Variants in PCDH15 observed in about 807,000 individuals in gnomAD.
The protein encoded by PCDH15 is protocadherin-15.
A neutral mutation model predicts 178.5 loss-of-function variants in PCDH15; 129 were observed. The ratio of observed to expected loss-of-function variants is 0.72; its 90% CI spans 0.63 to 0.84. The LOEUF (loss-of-function observed/expected upper bound fraction) is 0.84, where lower values mean the gene tolerates loss of function less well. Ranked by LOEUF, PCDH15 falls within the 40% of genes least tolerant of loss-of-function variation. The pLI, the probability that PCDH15 is intolerant of heterozygous loss-of-function variation, is 0.00. For synonymous variants in PCDH15, 800 were observed against 732.0 expected (o/e 1.09, Z -1.50); for missense variants, 2,230 against 2,099.9 (o/e 1.06, Z -1.21).
intron 2 of PCDH15, among the ~76,000 whole-genome samples, chr10:55,399,306 T>A (rs1004237725): frequency 6.6e-6 from 1 of 152,192 alleles, no homozygotes; most frequent in Non-Finnish European, 1.5e-5. Flanking sequence ...AAAATATTTA[T>A]TTTAATTTTA....
chr10:54,349,521 G>A (rs1316269640), intron 5 of PCDH15, among the ~76,000 whole-genome samples: 1 of 152,078 alleles, frequency 6.6e-6, no homozygotes, highest in Non-Finnish European at 1.5e-5. Flanking sequence ...TTTTTGAAAT[G>A]ATGAAAAGGC....
chr10:54,704,121 C>A (rs1370403350), intron 1 of PCDH15, among the ~76,000 whole-genome samples: 1 of 152,096 alleles, frequency 6.6e-6, no homozygotes, highest in Non-Finnish European at 1.5e-5. Flanking sequence ...GAATTAAATA[C>A]TTCAATATAA....
chr10:55,375,037 C>A (rs981031909), intron 2 of PCDH15, among the ~76,000 whole-genome samples: 11 of 152,106 alleles, frequency 7.2e-5, no homozygotes, highest in Non-Finnish European at 1.5e-4. Flanking sequence ...GAGTTTGTTA[C>A]ACAGCTGCTT....
chr10:54,763,698 A>G (rs1156909299), intron 1 of PCDH15, among the ~76,000 whole-genome samples: 1 of 150,468 alleles, frequency 6.6e-6, no homozygotes, highest in Admixed American at 6.6e-5. Flanking sequence ...TGTGGTATGC[A>G]TGTATCAAAA....
chr10:54,587,377 G>A (rs913656286), intron 2 of PCDH15, among the ~76,000 whole-genome samples: 2 of 152,154 alleles, frequency 1.3e-5, no homozygotes, highest in Admixed American at 6.6e-5. Flanking sequence ...ATCCCTGTGG[G>A]AATATTGACA....
chr10:54,926,089 A>G (rs1211426467), intron 2 of PCDH15, among the ~76,000 whole-genome samples: 1 of 152,120 alleles, frequency 6.6e-6, no homozygotes, highest in Non-Finnish European at 1.5e-5. Flanking sequence ...TGGGTTTCTC[A>G]TAGATGGCTC....
chr10:54,303,533 GT>G (rs2060276059), intron 8 of PCDH15, among the ~76,000 whole-genome samples: 1 of 152,006 alleles, frequency 6.6e-6, no homozygotes, highest in Admixed American at 6.6e-5. Context: ...AAAATCTAGA[GT>G]AATGCAACTG....
chr10:55,405,328 GA>G (rs776760048), intron 2 of PCDH15, among the ~76,000 whole-genome samples: 111 of 99,058 alleles, frequency 1.1e-3, no homozygotes, highest in Non-Finnish European at 1.9e-3. Context: ...TGTAATTAAA[GA>G]TAATGTGTAG....
chr10:55,429,752 A>G (rs1838839649), intron 2 of PCDH15, among the ~76,000 whole-genome samples: 1 of 152,164 alleles, frequency 6.6e-6, no homozygotes, highest in Non-Finnish European at 1.5e-5. Flanking sequence ...ACAGTTTAAT[A>G]TGAAACATTA....
rs568178254 is a variant in PCDH15 at position 54,065,091 on chromosome 10, T to C, written c.2220+1666A>G. On this transcript the variant is annotated intron_variant, in intron 18 of 37. Coordinates refer to ENST00000644397, the MANE Select transcript of PCDH15 (RefSeq NM_001384140.1). Reference sequence around the variant, plus strand: ...CCTGACTCAGTGCCCTTCTATCAGATTATGCTGAGGGAATTTGACTACTTG... The same window carrying C: ...CCTGACTCAGTGCCCTTCTATCAGACTATGCTGAGGGAATTTGACTACTTG... 2.6e-5 allele frequency among the ~76,000 whole-genome samples: 4 copies of C among 152,298 alleles called. No homozygotes were observed. The East Asian group carries it at 7.7e-4, about 29-fold the overall frequency.
At position 54,426,377 on chromosome 10, in the gene PCDH15, C is replaced by A. The variant is rs149085365; in HGVS notation, c.158-47435G>T. On this transcript the variant is annotated intron_variant, in intron 3 of 37. Coordinates refer to ENST00000644397, the MANE Select transcript of PCDH15 (RefSeq NM_001384140.1). ...TTACACTCTCATAAGGAGCGTGCAA[C>A]CTAGATCACTTGCATGCACAGTTCA... 3.3e-5 allele frequency among the ~76,000 whole-genome samples: 5 copies of A among 152,246 alleles called. No individual in the cohort carries two copies. In the East Asian group the frequency reaches 9.7e-4, roughly 30 times the overall value.
At chr10:55,110,329 C>G (rs191465049) in intron 2 of PCDH15, among the ~76,000 whole-genome samples, 4 of 151,996 alleles carry the variant, frequency 2.6e-5, no homozygotes, top group African/African-American at 9.6e-5. Context: ...TCTGGTACAT[C>G]AGGAGTATTT....
intron 25 of PCDH15, among the ~76,000 whole-genome samples, chr10:53,922,773 TTTC>T (rs2084107956): frequency 6.6e-6 from 1 of 152,174 alleles, no homozygotes; most frequent in Admixed American, 6.5e-5. Context: ...AGTATCCAAC[TTTC>T]TTGTGTATTT....
rs188741327 is a variant in PCDH15 at position 53,898,755 on chromosome 10, C to T, written c.3501+4488G>A. On this transcript the variant is annotated intron_variant, in intron 26 of 37. Transcript: ENST00000644397. ...CTCACATATCCACGTGCAAACCAAT[C>T]ATTTGCAAAGGTAACAGGACAGGCA... is the stretch of plus-strand genomic sequence containing the variant. 1.7e-3 allele frequency among the ~76,000 whole-genome samples: 262 copies of T among 152,264 alleles called. 2 individuals are homozygous for T. The highest frequency in any genetic ancestry group is 3.3e-3 in the Admixed American group (50 of 15,288).
At chr10:55,425,134 CAA>C (rs1838720721) in intron 2 of PCDH15, among the ~76,000 whole-genome samples, 1 of 151,482 alleles carries the variant, frequency 6.6e-6, no homozygotes, top group Non-Finnish European at 1.5e-5. Context: ...TGTTTTAAGA[CAA>C]AGAGTAATCA....
intron 31 of PCDH15, among the ~76,000 whole-genome samples, chr10:53,827,888 A>G (rs905631265): frequency 1.3e-5 from 2 of 152,176 alleles, no homozygotes; most frequent in Non-Finnish European, 2.9e-5. Flanking sequence ...TCTCTTTCAT[A>G]AGATGAGGCA....
chr10:55,556,113 T>TA (rs1842086891), intron 2 of PCDH15, among the ~76,000 whole-genome samples: 1 of 152,190 alleles, frequency 6.6e-6, no homozygotes, highest in South Asian at 2.1e-4. Context: ...TCTAGATTAT[T>TA]AATTTTTATT....
At chr10:55,455,976 G>T (rs965429956) in intron 2 of PCDH15, among the ~76,000 whole-genome samples, 3 of 152,028 alleles carry the variant, frequency 2.0e-5, no homozygotes, top group Admixed American at 1.3e-4. Context: ...ATACATAAAC[G>T]AACTAAATCT....
chr10:54,064,756 G>A (rs1275857291), intron 18 of PCDH15, among the ~76,000 whole-genome samples: 1 of 152,144 alleles, frequency 6.6e-6, no homozygotes, highest in Admixed American at 6.5e-5. Context: ...AAAATTGGAA[G>A]GGGTGCCAGG....
Sources: gnomAD v4.1 joint callset for allele counts (sites outside exome capture counted in the v4.1 genomes callset) on GRCh38, gnomAD v4.1.1 for gene constraint, MANE v1.5 for transcripts, NCBI Gene and HGNC (gene_info 2026-07-23, HGNC 2026-07-21) for gene names.